The following INO80D variants were observed in gnomAD, a reference collection of about 807,000 sequenced individuals.
INO80D encodes the protein INO80 complex subunit D.
Under a neutral mutation model 87.6 loss-of-function variants are expected in INO80D, and 21 were observed. That is an observed-to-expected ratio of 0.24 (90% CI 0.17 to 0.35). The LOEUF is 0.35. Ranked by LOEUF, INO80D falls within the 10% of genes least tolerant of loss-of-function variation. INO80D has a pLI of 1.00. For missense variants in INO80D, 982 were observed against 1,280.7 expected (o/e 0.77, Z 3.56); for synonymous variants, 440 against 491.0 (o/e 0.90, Z 1.37).
At chr2:206,044,481 T>TAAAAAAAAAAAAAAAAAA (rs55925923) in intron 5 of INO80D, among the ~76,000 whole-genome samples, 1 of 112,542 alleles carries the variant, frequency 8.9e-6, no homozygotes, top group African/African-American at 3.3e-5. Flanking sequence ...AAATACCTGT[T>TAAAAAAAAAAAAAAAAAA]AAAAAAAAAA....
intron 8 of INO80D, among the ~76,000 whole-genome samples, chr2:206,010,835 T>C (rs1688154251): frequency 6.6e-6 from 1 of 152,086 alleles, no homozygotes; most frequent in Non-Finnish European, 1.5e-5. Flanking sequence ...TCCCAGCACT[T>C]TGGGAGCCGA....
intron 5 of INO80D, among the ~76,000 whole-genome samples, chr2:206,033,672 C>G (rs561712144): frequency 6.6e-6 from 1 of 151,970 alleles, no homozygotes; most frequent in Admixed American, 6.6e-5. Context: ...GGTCACACCT[C>G]AAGGAAGTAG....
In INO80D at chr2:205,997,851, T is replaced by C. The variant is rs1181087263; in HGVS notation, c.*6517A>G. On this transcript the variant is annotated 3_prime_UTR_variant, in exon 11 of 11. Transcript: ENST00000403263. ...CCAATACCCTCAACTAAATAAATCA[T>C]GTTTCTACAATACATTCGGTTACCT... The C allele has an allele frequency of 2.6e-5, 4 of 152,214 alleles. No homozygotes were observed. Among genetic ancestry groups the C allele is most frequent in the Admixed American group, 6.5e-5 (1 of 15,284 alleles). The allele number at this position is 152,214 out of a possible 1,614,324, so 9.4% of individuals were successfully genotyped here.
intron 5 of INO80D, among the ~76,000 whole-genome samples, chr2:206,041,004 T>G (rs1407883219): frequency 6.6e-6 from 1 of 152,222 alleles, no homozygotes; most frequent in Non-Finnish European, 1.5e-5. Flanking sequence ...TACGTTCTTA[T>G]GCGTGAAGTG....
chr2:206,060,062 C>T (rs374565088), intron 3 of INO80D, among the ~76,000 whole-genome samples: 1 of 152,074 alleles, frequency 6.6e-6, no homozygotes, highest in African/African-American at 2.4e-5. Context: ...AAAACTCGGC[C>T]AGCCACGTGG....
chr2:206,009,854 C>T (rs1688123800), intron 8 of INO80D, 60 bp from the exon 9 acceptor site: 8 of 1,373,710 alleles, frequency 5.8e-6, no homozygotes, highest in Non-Finnish European at 8.0e-6. Flanking sequence ...CTGACAGCTA[C>T]CTAAAAAATA....
chr2:206,072,230 T>C (rs926390319), intron 1 of INO80D, among the ~76,000 whole-genome samples: 1 of 152,076 alleles, frequency 6.6e-6, no homozygotes, highest in South Asian at 2.1e-4. Context: ...CAATTTTCAC[T>C]GCACTTAATA....
chr2:206,039,040 C>A (rs941124281), intron 5 of INO80D, among the ~76,000 whole-genome samples: 2 of 152,142 alleles, frequency 1.3e-5, no homozygotes, highest in Non-Finnish European at 2.9e-5. Flanking sequence ...AAATGATAGA[C>A]TCATACTTAC....
chr2:206,031,946 G>C (rs1438188223), intron 5 of INO80D, among the ~76,000 whole-genome samples: 1 of 152,064 alleles, frequency 6.6e-6, no homozygotes, highest in Non-Finnish European at 1.5e-5. Flanking sequence ...CTAGTTTGCA[G>C]GAGAAGTTTC....
chr2:206,084,240 TACACACAC>T (rs111836331), intron 1 of INO80D, among the ~76,000 whole-genome samples: 264 of 135,114 alleles, frequency 2.0e-3, no homozygotes, highest in Admixed American at 3.3e-3. Context: ...ATGTTATACA[TACACACAC>T]ACACACACAC....
At chr2:206,043,163 ATTTTC>A (rs1689098641) in intron 5 of INO80D, among the ~76,000 whole-genome samples, 1 of 151,994 alleles carries the variant, frequency 6.6e-6, no homozygotes, top group African/African-American at 2.4e-5. Context: ...GGTAGGGCCA[ATTTTC>A]TTTTCTTTCC....
intron 8 of INO80D, among the ~76,000 whole-genome samples, chr2:206,011,960 C>T (rs972777997): frequency 2.0e-5 from 3 of 152,174 alleles, no homozygotes; most frequent in African/African-American, 7.2e-5. Context: ...GATGAGACAA[C>T]ACATGGTAAC....
intron 6 of INO80D, among the ~76,000 whole-genome samples, chr2:206,021,334 C>CA (rs1688458581): frequency 6.6e-6 from 1 of 152,106 alleles, no homozygotes; most frequent in African/African-American, 2.4e-5. Context: ...AAACTGTAAA[C>CA]ACTGTTTATA....
chr2:206,027,181 GAA>G (rs1192265134), intron 6 of INO80D, among the ~76,000 whole-genome samples: 2 of 148,240 alleles, frequency 1.3e-5, no homozygotes, highest in Non-Finnish European at 3.0e-5. Flanking sequence ...CACACACAGA[GAA>G]AGACTAGAAG....
chr2:206,033,226 C>G (rs983176847), intron 5 of INO80D, among the ~76,000 whole-genome samples: 6 of 152,196 alleles, frequency 3.9e-5, no homozygotes, highest in African/African-American at 1.4e-4. Context: ...GCAGTTAAAA[C>G]AGACAAAGAG....
intron 1 of INO80D, among the ~76,000 whole-genome samples, chr2:206,081,756 C>CAAAA (rs756168296): frequency 2.7e-5 from 2 of 75,232 alleles, no homozygotes; most frequent in Non-Finnish European, 2.8e-5. Context: ...GACCCTGTCT[C>CAAAA]AAAAAAAAAA....
At chr2:206,020,149 G>A (rs1688422556) in intron 6 of INO80D, among the ~76,000 whole-genome samples, 1 of 151,594 alleles carries the variant, frequency 6.6e-6, no homozygotes, top group African/African-American at 2.4e-5. Flanking sequence ...GTAGAGAAAA[G>A]TGATGAAGAA....
At chr2:206,018,987 A>G (rs746727590) in intron 7 of INO80D, among the ~76,000 whole-genome samples, 1 of 152,164 alleles carries the variant, frequency 6.6e-6, no homozygotes, top group African/African-American at 2.4e-5. Context: ...CACTTACCTT[A>G]TATCTATTAA....
At chr2:206,047,036 C>T (rs983282331) in intron 4 of INO80D, among the ~76,000 whole-genome samples, 10 of 152,202 alleles carry the variant, frequency 6.6e-5, no homozygotes, top group African/African-American at 2.2e-4. Context: ...ACCTCGGCCT[C>T]CCAAAGTGTT....
Sources: allele counts gnomAD v4.1 joint callset (sites outside exome capture counted in the v4.1 genomes callset), GRCh38; gene constraint gnomAD v4.1.1; transcripts MANE v1.5; gene names NCBI Gene and HGNC (gene_info 2026-07-23, HGNC 2026-07-21).